NSUN6: variants seen among roughly 807,000 people sequenced by gnomAD.
NSUN6 encodes the protein NOP2/Sun RNA methyltransferase 6.
A neutral mutation model predicts 58.0 loss-of-function variants in NSUN6; 64 were observed. That is an observed-to-expected ratio of 1.10 (90% CI 0.90 to 1.36). NSUN6 has a LOEUF of 1.36. Among genes scored for constraint, NSUN6 ranks in the 40% most tolerant of loss-of-function variants. NSUN6 has a pLI of 0.00. For synonymous variants in NSUN6, 231 were observed against 193.9 expected (o/e 1.19, Z -1.59); for missense variants, 701 against 550.1 (o/e 1.27, Z -2.74).
chr10:18,593,050 T>C (rs981700075), intron 7 of NSUN6, among the ~76,000 whole-genome samples: 4 of 152,154 alleles, frequency 2.6e-5, no homozygotes, highest in African/African-American at 4.8e-5. Context: ...ACGAAGGATA[T>C]GAACAGACAC....
chr10:18,651,155 G>T lies in NSUN6; in HGVS notation c.49C>A (p.Leu17Ile). 6.3e-7 allele frequency: 1 copy of T among 1,580,666 alleles called. No individual in the cohort carries two copies. Among genetic ancestry groups the T allele is most frequent in the Non-Finnish European group, 8.5e-7 (1 of 1,170,400 alleles). Reference sequence around the variant, plus strand: ...TCCTTATTCATAAAGCCTTCCTTAAGATAGTTTTCAACCTCAGGTCTCAAA... The same window carrying T: ...TCCTTATTCATAAAGCCTTCCTTAATATAGTTTTCAACCTCAGGTCTCAAA... ...ISLRPEVENY[L>I]KEGFMNKEIV... The change falls in exon 1 of 11, where the codon CTT becomes ATT. Residue 17 changes from leucine (L) to isoleucine (I), a missense_variant. Transcript: ENST00000377304.
intron 8 of NSUN6, among the ~76,000 whole-genome samples, chr10:18,552,483 GT>G (rs1319614355): frequency 1.3e-5 from 2 of 152,116 alleles, no homozygotes; most frequent in East Asian, 3.8e-4. Flanking sequence ...CTTCCACGAA[GT>G]TTTCCTTTGC....
chr10:18,604,645 A>C (rs1373845689), intron 6 of NSUN6, among the ~76,000 whole-genome samples: 1 of 152,018 alleles, frequency 6.6e-6, no homozygotes, highest in African/African-American at 2.4e-5. Flanking sequence ...GCACTTTGGG[A>C]GGTTGAGGCG....
At position 18,596,239 on chromosome 10, in the gene NSUN6, G is replaced by T. The variant is rs1310520815; in HGVS notation, c.746C>A (p.Thr249Lys). The T allele has an allele frequency of 6.2e-7, 1 of 1,611,384 alleles. No homozygotes were observed. Among genetic ancestry groups the T allele is most frequent in the Non-Finnish European group, 8.5e-7 (1 of 1,177,584 alleles). The change falls in exon 7 of 11, where the codon ACA (threonine) becomes AAA (lysine). Residue 249 changes from threonine to lysine, a missense_variant. Physicochemically the swap from Thr to Lys is moderately conservative, Grantham distance 78. Transcript: ENST00000377304. ...LDLCAAPGGK[T>K]THIAALMHDQ... ...ATGCATTAGTGCTGCAATGTGTGTT[G>T]TTTTCCCTCCAGGTGCTGCACACAA...
At chr10:18,616,481 G>C (rs2058415554) in intron 3 of NSUN6, among the ~76,000 whole-genome samples, 188 bp from the exon 4 acceptor site, 1 of 152,128 alleles carries the variant, frequency 6.6e-6, no homozygotes, top group Non-Finnish European at 1.5e-5. Context: ...ATGGGCACTT[G>C]AGAGGAAGAA....
chr10:18,632,625 C>CA (rs1554883531), intron 3 of NSUN6, among the ~76,000 whole-genome samples: 1 of 152,162 alleles, frequency 6.6e-6, no homozygotes, highest in Non-Finnish European at 1.5e-5. Flanking sequence ...CAAAAGAAGA[C>CA]ATTTATGCAG....
chr10:18,549,858 A>C (rs2054496612), intron 9 of NSUN6, among the ~76,000 whole-genome samples: 1 of 152,210 alleles, frequency 6.6e-6, no homozygotes, highest in Non-Finnish European at 1.5e-5. Context: ...TTACTGTGTG[A>C]AACACTGTAT....
chr10:18,596,082 C>A, intron 7 of NSUN6, 126 bp downstream of exon 7: 1 of 728,004 alleles, frequency 1.4e-6, no homozygotes, highest in South Asian at 1.8e-5. Flanking sequence ...ACTGACATAA[C>A]TGAATAGTTT....
intron 8 of NSUN6, among the ~76,000 whole-genome samples, chr10:18,584,369 C>T (rs2057037222): frequency 6.6e-6 from 1 of 152,162 alleles, no homozygotes; most frequent in African/African-American, 2.4e-5. Context: ...TGCTGTATGC[C>T]TCATTCCCTA....
intron 8 of NSUN6, among the ~76,000 whole-genome samples, chr10:18,560,981 T>C (rs1347340523): frequency 1.4e-5 from 2 of 140,850 alleles, no homozygotes; most frequent in Non-Finnish European, 3.0e-5. Flanking sequence ...TGATGGAGAA[T>C]GGTATGGAGT....
intron 6 of NSUN6, among the ~76,000 whole-genome samples, chr10:18,604,879 CTTTCT>C (rs1474875206): frequency 2.7e-5 from 4 of 148,896 alleles, no homozygotes; most frequent in Admixed American, 2.7e-4. Context: ...GAGCAAGACT[CTTTCT>C]TTTTTTTTTT....
chr10:18,635,811 C>G (rs1450106086), intron 3 of NSUN6, among the ~76,000 whole-genome samples: 2 of 150,998 alleles, frequency 1.3e-5, no homozygotes, highest in African/African-American at 2.4e-5. Flanking sequence ...GCACTCCAGT[C>G]TGGGTGACAG....
upstream of NSUN6, chr10:18,652,562 C>T (rs1263544520): frequency 1.4e-5 from 13 of 927,412 alleles, no homozygotes; most frequent in African/African-American, 1.8e-5. Context: ...TTATCATTTT[C>T]TCTGCTCTTT....
intron 7 of NSUN6, among the ~76,000 whole-genome samples, chr10:18,592,268 T>G (rs1182931786): frequency 6.6e-6 from 1 of 152,114 alleles, no homozygotes; most frequent in Non-Finnish European, 1.5e-5. Flanking sequence ...ATAGGAAGAA[T>G]CAATAACATC....
intron 8 of NSUN6, among the ~76,000 whole-genome samples, chr10:18,556,766 G>T (rs924377463): frequency 1.3e-5 from 2 of 151,204 alleles, no homozygotes; most frequent in African/African-American, 4.9e-5. Flanking sequence ...ATGGAATGAA[G>T]AATGGAATGG....
At chr10:18,576,075 G>A (rs559463878) in intron 8 of NSUN6, among the ~76,000 whole-genome samples, 8 of 152,160 alleles carry the variant, frequency 5.3e-5, no homozygotes, top group Non-Finnish European at 8.8e-5. Flanking sequence ...TCAAGAAAGC[G>A]CTGCCCCATC....
At chr10:18,571,579 T>C (rs2056365940) in intron 8 of NSUN6, among the ~76,000 whole-genome samples, 1 of 150,992 alleles carries the variant, frequency 6.6e-6, no homozygotes, top group Non-Finnish European at 1.5e-5. Context: ...TCTATTCCAA[T>C]GTCCATTCCA....
rs762857113 is a variant in NSUN6, at chr10:18,616,229, T to C, written c.376A>G (p.Arg126Gly). The C allele has an allele frequency of 5.0e-6, 8 of 1,610,370 alleles. No homozygotes were observed. Among genetic ancestry groups the C allele is most frequent in the Non-Finnish European group, 6.8e-6 (8 of 1,176,586 alleles). Residue 126 changes from arginine to glycine, a missense_variant, in exon 4 of 11, where the codon AGA (arginine) becomes GGA (glycine). Arg to Gly is a moderately radical substitution (Grantham distance 125). Coordinates refer to ENST00000377304, the MANE Select transcript of NSUN6 (RefSeq NM_182543.5). ...VGAQCGNAVL[R>G]GAHVYAPGIV... ...CCTGGGGCATAGACATGGGCTCCTCTTAAAACTGCATTGCCACACTGGGCT... is the reference window on the plus strand; with the variant it reads ...CCTGGGGCATAGACATGGGCTCCTCCTAAAACTGCATTGCCACACTGGGCT...
chr10:18,637,094 C>T (rs1455348206), intron 3 of NSUN6, among the ~76,000 whole-genome samples: 11 of 151,662 alleles, frequency 7.3e-5, no homozygotes, highest in African/African-American at 2.7e-4. Flanking sequence ...TCCCAAGTAG[C>T]TGGGATTATA....
Sources: gnomAD v4.1 joint callset for allele counts (sites outside exome capture counted in the v4.1 genomes callset) on GRCh38, gnomAD v4.1.1 for gene constraint, MANE v1.5 for transcripts, NCBI Gene and HGNC (gene_info 2026-07-23, HGNC 2026-07-21) for gene names.